Variants in FER observed in about 807,000 individuals in gnomAD.
FER encodes the protein FER tyrosine kinase.
A neutral mutation model predicts 111.0 loss-of-function variants in FER; 63 were observed. The observed-to-expected ratio is 0.57, with a 90% confidence interval of 0.46 to 0.70. The LOEUF (loss-of-function observed/expected upper bound fraction) is 0.70, where lower values mean the gene tolerates loss of function less well. Among genes scored for constraint, FER ranks in the 30% least tolerant of loss-of-function variants. The pLI, the probability that FER is intolerant of heterozygous loss-of-function variation, is 0.00. For missense variants in FER, 914 were observed against 954.0 expected (o/e 0.96, Z 0.55); for synonymous variants, 327 against 313.9 (o/e 1.04, Z -0.44).
chr5:108,905,252 T>C (rs1019818816), intron 10 of FER, among the ~76,000 whole-genome samples: 1 of 152,106 alleles, frequency 6.6e-6, no homozygotes, highest in Non-Finnish European at 1.5e-5. Flanking sequence ...TTAACTGTTA[T>C]CTGTGTTCAT....
At position 108,798,363 on chromosome 5, in the gene FER, A is replaced by G. The variant is rs1464475139; in HGVS notation, c.181A>G (p.Met61Val). 1.9e-6 allele frequency: 3 copies of G among 1,613,424 alleles called. No homozygotes were observed. Among genetic ancestry groups the G allele is most frequent in the Non-Finnish European group, 2.5e-6 (3 of 1,179,546 alleles). The change falls in exon 3 of 20, where the codon ATG (methionine) becomes GTG (valine). Residue 61 changes from methionine to valine, a missense_variant. Physicochemically the swap from Met to Val is conservative, Grantham distance 21. Around this residue, in one of 3 missense-constraint regions of FER, gnomAD observed 774 missense variants for 782.6 expected, o/e 0.99. Coordinates refer to ENST00000281092, the MANE Select transcript of FER (RefSeq NM_005246.4). ...AGTTGATAAGGAAAGTACTGTCCAAATGAATTATGTCAGCAACGTATCCAA... is the reference window on the plus strand; with the variant it reads ...AGTTGATAAGGAAAGTACTGTCCAAGTGAATTATGTCAGCAACGTATCCAA... ...NQVDKESTVQ[M>V]NYVSNVSKSW...
intron 9 of FER, among the ~76,000 whole-genome samples, chr5:108,894,058 C>T (rs924027365): frequency 1.5e-4 from 23 of 151,514 alleles, no homozygotes; most frequent in South Asian, 6.3e-4. Context: ...CATGCTGCCC[C>T]TGAAAGACCT....
At chr5:108,971,037 G>A (rs1760580660) in intron 13 of FER, among the ~76,000 whole-genome samples, 1 of 151,912 alleles carries the variant, frequency 6.6e-6, no homozygotes, top group Admixed American at 6.6e-5. Context: ...CTAAAATATT[G>A]AAACTATTCC....
At chr5:109,187,143 G>A (rs1430403958) in intron 19 of FER, among the ~76,000 whole-genome samples, 1 of 152,164 alleles carries the variant, frequency 6.6e-6, no homozygotes, top group African/African-American at 2.4e-5. Flanking sequence ...AATTCTGAAA[G>A]TGAATACTTA....
intron 13 of FER, among the ~76,000 whole-genome samples, chr5:109,017,017 A>G (rs1329486151): frequency 6.6e-6 from 1 of 152,076 alleles, no homozygotes; most frequent in Non-Finnish European, 1.5e-5. Flanking sequence ...AGCCCTCAGC[A>G]GATTCTGTTG....
At chr5:109,081,661 A>T (rs1776997400) in intron 16 of FER, among the ~76,000 whole-genome samples, 2 of 152,078 alleles carry the variant, frequency 1.3e-5, no homozygotes, top group African/African-American at 2.4e-5. Flanking sequence ...TGTCAGTGGT[A>T]GTACTGACTT....
At chr5:108,801,854 A>G (rs1036376487) in intron 3 of FER, among the ~76,000 whole-genome samples, 2 of 152,204 alleles carry the variant, frequency 1.3e-5, no homozygotes, top group African/African-American at 4.8e-5. Flanking sequence ...GCTATTATTA[A>G]GTTAAATAAA....
chr5:109,039,234 A>T (rs1770814636), intron 14 of FER, among the ~76,000 whole-genome samples: 1 of 151,646 alleles, frequency 6.6e-6, no homozygotes, highest in South Asian at 2.1e-4. Context: ...TGTATTCAGC[A>T]CTATATTTTT....
At chr5:108,910,839 C>T (rs1581163780) in intron 10 of FER, among the ~76,000 whole-genome samples, 1 of 152,124 alleles carries the variant, frequency 6.6e-6, no homozygotes, top group South Asian at 2.1e-4. Flanking sequence ...TTTATGGCTG[C>T]ATAGTATTCC....
Position 109,063,645 on chromosome 5 carries a change from C to T in FER, c.1924+16447C>T, listed in dbSNP as rs898276674. ...ATTAAAAGAACAACATAGTAATTCT[C>T]GAATTAATATTTCATTCAAAAAATT... On this transcript the variant is annotated intron_variant, in intron 16 of 19. Transcript: ENST00000281092. Among the ~76,000 whole-genome samples the T allele has an allele frequency of 3.3e-5, 5 of 152,088 alleles. No individual in the cohort carries two copies. In the East Asian group the frequency reaches 7.7e-4, roughly 23 times the overall value.
intron 18 of FER, among the ~76,000 whole-genome samples, chr5:109,183,495 C>T (rs562344998): frequency 2.6e-5 from 4 of 152,250 alleles, no homozygotes; most frequent in Admixed American, 1.3e-4. Flanking sequence ...GTGATCCACC[C>T]GCCTTGGCCT....
intron 3 of FER, among the ~76,000 whole-genome samples, chr5:108,832,346 G>A (rs1760131597): frequency 6.6e-6 from 1 of 152,220 alleles, no homozygotes; most frequent in Admixed American, 6.5e-5. Context: ...AGCAGGATCA[G>A]ATGCCACAGA....
chr5:108,773,245 G>A (rs995771710), intron 2 of FER, among the ~76,000 whole-genome samples: 5 of 152,206 alleles, frequency 3.3e-5, no homozygotes, highest in Admixed American at 3.3e-4. Flanking sequence ...TATTATATAG[G>A]TAAACATGTG....
At chr5:108,826,619 A>C (rs1481043946) in intron 3 of FER, among the ~76,000 whole-genome samples, 1 of 152,154 alleles carries the variant, frequency 6.6e-6, no homozygotes, top group African/African-American at 2.4e-5. Flanking sequence ...TCATAGAATG[A>C]ATTTGGAAGT....
At chr5:108,800,863 G>A (rs996701838) in intron 3 of FER, among the ~76,000 whole-genome samples, 1 of 152,162 alleles carries the variant, frequency 6.6e-6, no homozygotes. Flanking sequence ...TGGCTAACAC[G>A]GTGAAACCTC....
At chr5:108,896,307 C>G (rs1309945583) in intron 9 of FER, among the ~76,000 whole-genome samples, 1 of 151,982 alleles carries the variant, frequency 6.6e-6, no homozygotes, top group Admixed American at 6.6e-5. Context: ...AACTTTCTTT[C>G]AAGAGATTAC....
intron 5 of FER, among the ~76,000 whole-genome samples, chr5:108,864,031 A>G (rs1580936186): frequency 6.6e-6 from 1 of 152,176 alleles, no homozygotes; most frequent in East Asian, 1.9e-4. Context: ...CTCAGGTGAA[A>G]AGATTATTTT....
intron 10 of FER, among the ~76,000 whole-genome samples, chr5:108,907,456 C>G (rs1750948931): frequency 6.6e-6 from 1 of 151,898 alleles, no homozygotes; most frequent in African/African-American, 2.4e-5. Flanking sequence ...CCACACCCAG[C>G]TAATTTTTTT....
intron 13 of FER, among the ~76,000 whole-genome samples, chr5:108,979,960 A>C (rs1761840756): frequency 6.6e-6 from 1 of 152,176 alleles, no homozygotes. Context: ...TGGGGCACCA[A>C]GATCTGCATT....
Sources: allele counts gnomAD v4.1 joint callset (sites outside exome capture counted in the v4.1 genomes callset), GRCh38; gene constraint gnomAD v4.1.1; regional missense constraint gnomAD v4.1.1; transcripts MANE v1.5; gene names NCBI Gene and HGNC (gene_info 2026-07-23, HGNC 2026-07-21).